The following CSNK2A2IP variants were observed in gnomAD, a reference collection of about 807,000 sequenced individuals.
CSNK2A2IP encodes the protein casein kinase 2 subunit alpha' interacting protein, also known as casein kinase II subunit alpha'-interacting protein.
At chr3:88,460,090 A>T in the CSNK2A2IP span, among the ~76,000 whole-genome samples, 1 of 152,172 alleles carries the variant, frequency 6.6e-6, no homozygotes, top group Non-Finnish European at 1.5e-5. Context: ...TTCATATAAC[A>T]TTATAAATAT....
chr3:88,466,475 T>A, the CSNK2A2IP span: 7 of 1,231,856 alleles, frequency 5.7e-6, no homozygotes, highest in Non-Finnish European at 6.1e-6. Flanking sequence ...GGTCAATTAT[T>A]ATCAAGCTCC....
At chr3:88,453,305 TGA>T in the CSNK2A2IP span, among the ~76,000 whole-genome samples, 1 of 152,096 alleles carries the variant, frequency 6.6e-6, no homozygotes, top group African/African-American at 2.4e-5. Context: ...TTTTAGATAT[TGA>T]GAGTTTGGCA....
At chr3:88,368,221 C>T in the CSNK2A2IP span, among the ~76,000 whole-genome samples, 6,263 of 152,040 alleles carry the variant, frequency 0.041, 186 homozygotes, top group Middle Eastern at 0.058. Flanking sequence ...TTGCCAGGTC[C>T]TCTTCTAGGC....
the CSNK2A2IP span, among the ~76,000 whole-genome samples, chr3:88,459,688 G>C: frequency 6.6e-6 from 1 of 151,924 alleles, no homozygotes; most frequent in Non-Finnish European, 1.5e-5. Context: ...GTTTGTTTTT[G>C]CTTTCATATG....
the CSNK2A2IP span, chr3:88,466,028 C>G: frequency 8.1e-7 from 1 of 1,231,646 alleles, no homozygotes. Context: ...CAGAAAACAT[C>G]CTCATTGGAC....
the CSNK2A2IP span, among the ~76,000 whole-genome samples, chr3:88,385,202 T>C: frequency 6.4e-4 from 98 of 152,240 alleles, no homozygotes; most frequent in African/African-American, 2.3e-3. Flanking sequence ...GCAGGCCGAA[T>C]AGTTAGCAAA....
At chr3:88,452,612 C>A in the CSNK2A2IP span, among the ~76,000 whole-genome samples, 1 of 152,038 alleles carries the variant, frequency 6.6e-6, no homozygotes, top group Non-Finnish European at 1.5e-5. Flanking sequence ...TGGTCGACGA[C>A]TCAATTACAG....
At chr3:88,360,954 C>CA in the CSNK2A2IP span, among the ~76,000 whole-genome samples, 195 of 151,988 alleles carry the variant, frequency 1.3e-3, 2 homozygotes, top group African/African-American at 4.3e-3. Context: ...CAAACAACAA[C>CA]AAAAAAACAA....
the CSNK2A2IP span, chr3:88,465,387 C>A: frequency 8.1e-7 from 1 of 1,231,618 alleles, no homozygotes; most frequent in Non-Finnish European, 1.0e-6. Context: ...ATGGTCAACA[C>A]TTTGTGCCAT....
chr3:88,352,456 G>A, the CSNK2A2IP span, among the ~76,000 whole-genome samples: 52 of 152,218 alleles, frequency 3.4e-4, no homozygotes, highest in African/African-American at 1.2e-3. Context: ...GCAAGATCAT[G>A]TGAAAGATAT....
chr3:88,364,163 T>G, the CSNK2A2IP span, among the ~76,000 whole-genome samples: 7 of 152,132 alleles, frequency 4.6e-5, no homozygotes, highest in African/African-American at 1.7e-4. Flanking sequence ...CTCAGGGTAG[T>G]AAATAAAATC....
the CSNK2A2IP span, among the ~76,000 whole-genome samples, chr3:88,374,551 T>C: frequency 6.6e-6 from 1 of 151,720 alleles, no homozygotes; most frequent in African/African-American, 2.4e-5. Context: ...ATATCCATTT[T>C]ATTGTTTCTC....
At chr3:88,359,961 T>A in the CSNK2A2IP span, among the ~76,000 whole-genome samples, 1 of 152,262 alleles carries the variant, frequency 6.6e-6, no homozygotes. Context: ...AAGTTGGGTG[T>A]TGAAGTCCCC....
chr3:88,454,906 C>T, the CSNK2A2IP span, among the ~76,000 whole-genome samples: 1 of 151,740 alleles, frequency 6.6e-6, no homozygotes, highest in African/African-American at 2.4e-5. Flanking sequence ...TCCCTTAGTC[C>T]TTTGTATCTG....
At chr3:88,350,247 T>C in the CSNK2A2IP span, among the ~76,000 whole-genome samples, 1 of 152,152 alleles carries the variant, frequency 6.6e-6, no homozygotes, top group African/African-American at 2.4e-5. Flanking sequence ...AGATTCTCCA[T>C]GGTGCTTTCT....
At chr3:88,340,579 T>C in the CSNK2A2IP span, among the ~76,000 whole-genome samples, 1 of 151,980 alleles carries the variant, frequency 6.6e-6, no homozygotes, top group Admixed American at 6.6e-5. Flanking sequence ...GAGCTATTTG[T>C]TCAATCATGA....
chr3:88,442,402 C>A, the CSNK2A2IP span, among the ~76,000 whole-genome samples: 1 of 151,898 alleles, frequency 6.6e-6, no homozygotes, highest in Non-Finnish European at 1.5e-5. Context: ...AATTACATAA[C>A]TAAGGGATGC....
chr3:88,424,854 G>A, the CSNK2A2IP span, among the ~76,000 whole-genome samples: 14 of 151,620 alleles, frequency 9.2e-5, no homozygotes, highest in East Asian at 1.4e-3. Flanking sequence ...ATAAACCTAA[G>A]TGTAATTATA....
chr3:88,346,462 G>A, the CSNK2A2IP span, among the ~76,000 whole-genome samples: 1 of 151,944 alleles, frequency 6.6e-6, no homozygotes, highest in South Asian at 2.1e-4. Context: ...CTTGTTAGAG[G>A]TGAATGCAGC....
Sources: gnomAD v4.1 joint callset for allele counts (sites outside exome capture counted in the v4.1 genomes callset) on GRCh38, gnomAD v4.1.1 for gene constraint, MANE v1.5 for transcripts, NCBI Gene and HGNC (gene_info 2026-07-23, HGNC 2026-07-21) for gene names.